PTPRN2: variants seen among roughly 807,000 people sequenced by gnomAD.
The protein encoded by PTPRN2 is receptor-type tyrosine-protein phosphatase N2.
Under a neutral mutation model 118.8 loss-of-function variants are expected in PTPRN2, and 74 were observed. The ratio of observed to expected loss-of-function variants is 0.62; its 90% CI spans 0.52 to 0.76. PTPRN2 has a LOEUF of 0.76. Among genes scored for constraint, PTPRN2 ranks in the 30% least tolerant of loss-of-function variants. PTPRN2 has a pLI of 0.00. For missense variants in PTPRN2, 1,481 were observed against 1,394.4 expected (o/e 1.06, Z -0.99); for synonymous variants, 641 against 608.0 (o/e 1.05, Z -0.80).
intron 2 of PTPRN2, among the ~76,000 whole-genome samples, chr7:158,326,166 C>T (rs1293655526): frequency 6.6e-6 from 1 of 152,224 alleles, no homozygotes; most frequent in Non-Finnish European, 1.5e-5. Flanking sequence ...CAATGGCACC[C>T]TGCTGTGCTT....
rs775364404 is a variant in PTPRN2 at position 157,568,945 on chromosome 7, G to A, written c.2859C>T (p.Gly953=). 2 of 1,578,212 alleles carry A rather than the reference G, an allele frequency of 1.3e-6. No individual in the cohort carries two copies. The highest frequency in any genetic ancestry group is 2.2e-5 in the East Asian group (1 of 44,694). The change falls in exon 21 of 23, where the codon GGC becomes GGT. Residue 953 remains glycine (G), a synonymous_variant. Coordinates refer to ENST00000389418, the MANE Select transcript of PTPRN2 (RefSeq NM_002847.5). ...GAACCATGTCGATCAGGACGTAGGTGCCGCTCCGGCCTGCACCGTCACTGC... is the reference window on the plus strand; with the variant it reads ...GAACCATGTCGATCAGGACGTAGGTACCGCTCCGGCCTGCACCGTCACTGC... ...VHCSDGAGRS[G]TYVLIDMVLN... is the part of the protein sequence containing the mutation.
At chr7:158,441,815 A>G (rs147283268) in intron 2 of PTPRN2, among the ~76,000 whole-genome samples, 2,594 of 30,836 alleles carry the variant, frequency 0.084, no homozygotes, top group African/African-American at 0.21. Flanking sequence ...AGTGGTGGTG[A>G]TGGTGATAGT....
chr7:157,927,942 G>A (rs934643799), intron 11 of PTPRN2, among the ~76,000 whole-genome samples: 1 of 152,128 alleles, frequency 6.6e-6, no homozygotes, highest in African/African-American at 2.4e-5. Context: ...CCTCCATTTT[G>A]CAAACTAGGG....
intron 15 of PTPRN2, among the ~76,000 whole-genome samples, chr7:157,612,226 G>C (rs1238027819): frequency 1.3e-5 from 2 of 152,200 alleles, no homozygotes; most frequent in African/African-American, 2.4e-5. Context: ...GACACACAGC[G>C]AGGCGTGGCT....
intron 12 of PTPRN2, among the ~76,000 whole-genome samples, chr7:157,689,199 C>A (rs1797349040): frequency 6.6e-6 from 1 of 152,262 alleles, no homozygotes; most frequent in Admixed American, 6.5e-5. Flanking sequence ...CCAGCTCCCT[C>A]CTCCGCACAA....
At chr7:158,226,276 T>G (rs1403078677) in intron 3 of PTPRN2, among the ~76,000 whole-genome samples, 2 of 151,970 alleles carry the variant, frequency 1.3e-5, no homozygotes, top group Admixed American at 6.5e-5. Flanking sequence ...CTAGTGTGGA[T>G]AGTTTGAGAA....
intron 3 of PTPRN2, among the ~76,000 whole-genome samples, chr7:158,283,195 G>T (rs568872976): frequency 6.6e-5 from 10 of 152,192 alleles, no homozygotes; most frequent in African/African-American, 2.4e-4. Context: ...TTTTGTATTC[G>T]CCACAATAAG....
intron 11 of PTPRN2, among the ~76,000 whole-genome samples, chr7:157,945,569 A>G (rs1800425566): frequency 6.6e-6 from 1 of 151,764 alleles, no homozygotes; most frequent in Non-Finnish European, 1.5e-5. Context: ...CAACTCGAAC[A>G]ATGCCACCTC....
chr7:158,005,030 G>T (rs1805543558), intron 11 of PTPRN2, among the ~76,000 whole-genome samples: 1 of 151,322 alleles, frequency 6.6e-6, no homozygotes, highest in Non-Finnish European at 1.5e-5. Flanking sequence ...GAGAAAATCG[G>T]CCTGGCACCC....
intron 2 of PTPRN2, among the ~76,000 whole-genome samples, chr7:158,395,850 C>A (rs1427270010): frequency 6.6e-6 from 1 of 151,858 alleles, no homozygotes; most frequent in African/African-American, 2.4e-5. Flanking sequence ...TGGATCCCAC[C>A]AGCCCCGAAT....
intron 3 of PTPRN2, among the ~76,000 whole-genome samples, chr7:158,229,688 T>A (rs1238508520): frequency 6.6e-6 from 1 of 151,144 alleles, no homozygotes; most frequent in African/African-American, 2.4e-5. Flanking sequence ...AAATACACAA[T>A]CAGGGATGGA....
At chr7:157,847,237 C>T (rs368359936) in intron 12 of PTPRN2, among the ~76,000 whole-genome samples, 19 of 123,986 alleles carry the variant, frequency 1.5e-4, no homozygotes, top group African/African-American at 1.8e-4. Flanking sequence ...CATGTGTGCC[C>T]GATGTTTACA....
intron 11 of PTPRN2, among the ~76,000 whole-genome samples, chr7:158,053,806 C>CT (rs1563365882): frequency 3.1e-4 from 46 of 147,360 alleles, no homozygotes; most frequent in Non-Finnish European, 5.5e-4. Flanking sequence ...GCAGAGACTC[C>CT]AGAGAGGCAG....
intron 12 of PTPRN2, among the ~76,000 whole-genome samples, chr7:157,720,524 C>T (rs1015726915): frequency 5.3e-5 from 8 of 152,242 alleles, no homozygotes; most frequent in African/African-American, 1.9e-4. Flanking sequence ...GACCCTGCTT[C>T]CCTGCGTAGG....
chr7:157,717,351 G>A (rs1272546627), intron 12 of PTPRN2, among the ~76,000 whole-genome samples: 6 of 152,236 alleles, frequency 3.9e-5, no homozygotes, highest in East Asian at 1.9e-4. Context: ...TGGGAGCCAC[G>A]GGTGGGTATC....
chr7:157,548,515 G>A (rs780828487), intron 22 of PTPRN2, among the ~76,000 whole-genome samples: 28 of 152,240 alleles, frequency 1.8e-4, no homozygotes, highest in Non-Finnish European at 3.7e-4. Context: ...AAGCATGAGG[G>A]ATTTTGGGTG....
chr7:158,188,584 G>A lies in PTPRN2; in HGVS notation c.549+3743C>T, dbSNP rs541664371. On this transcript the variant is annotated intron_variant, in intron 5 of 22. Transcript: ENST00000389418. ...CCCCCTGTATGGGGAAGGCCGCCAC[G>A]CTCGCCCCCTGATGGGGAAGCCCGC... Among the ~76,000 whole-genome samples the A allele has an allele frequency of 2.8e-3, 292 of 103,374 alleles. 19 individuals are homozygous for A. The highest frequency in any genetic ancestry group is 3.2e-3 in the Non-Finnish European group (174 of 53,600). 67.8% of individuals were successfully genotyped at this position (103,374 alleles called of 152,430 possible). A position where few individuals can be genotyped will look rare whatever the true frequency, so the allele number is the denominator to read the frequency against.
chr7:157,626,376 G>A (rs1179879838), intron 14 of PTPRN2, among the ~76,000 whole-genome samples: 1 of 152,102 alleles, frequency 6.6e-6, no homozygotes, highest in African/African-American at 2.4e-5. Flanking sequence ...CTGCTTCTCA[G>A]CCTTTGCCCC....
At chr7:158,242,141 A>G (rs1795938392) in intron 3 of PTPRN2, among the ~76,000 whole-genome samples, 1 of 152,112 alleles carries the variant, frequency 6.6e-6, no homozygotes, top group South Asian at 2.1e-4. Flanking sequence ...GCCTGTAACC[A>G]TTCATCCCTG....
Sources: gnomAD v4.1 joint callset for allele counts (sites outside exome capture counted in the v4.1 genomes callset) on GRCh38, gnomAD v4.1.1 for gene constraint, MANE v1.5 for transcripts, NCBI Gene and HGNC (gene_info 2026-07-23, HGNC 2026-07-21) for gene names.